WDFY2: variants seen among roughly 807,000 people sequenced by gnomAD.
WDFY2 encodes the protein WD repeat and FYVE domain containing 2.
A neutral mutation model predicts 56.4 loss-of-function variants in WDFY2; 36 were observed. That is an observed-to-expected ratio of 0.64 (90% CI 0.49 to 0.84). The LOEUF (loss-of-function observed/expected upper bound fraction) is 0.84. Among genes scored for constraint, WDFY2 ranks in the 40% least tolerant of loss-of-function variants. The pLI, the probability that WDFY2 is intolerant of heterozygous loss-of-function variation, is 0.00. For missense variants in WDFY2, 444 were observed against 512.2 expected, an observed-to-expected ratio of 0.87 and a Z score of 1.29; for synonymous variants, 176 against 183.7, an observed-to-expected ratio of 0.96 and a Z score of 0.34.
chr13:51,615,153 A>G (rs1414832028), intron 1 of WDFY2, among the ~76,000 whole-genome samples: 1 of 152,236 alleles, frequency 6.6e-6, no homozygotes, highest in Non-Finnish European at 1.5e-5. Flanking sequence ...GCCAGCATTC[A>G]TAAATGAAGA....
Position 51,739,108 on chromosome 13 carries a change from G to C in WDFY2, c.658G>C (p.Asp220His). The change falls in exon 7 of 12, where the codon GAT becomes CAT. Residue 220 changes from aspartate to histidine, a missense_variant. Coordinates refer to ENST00000298125, the MANE Select transcript of WDFY2 (RefSeq NM_052950.4). ...VQRVLFSGSS[D>H]HSVIMWDIGG... Reference sequence around the variant, plus strand: ...GCGGGTGTTGTTCTCAGGCAGTTCAGATCACTCTGTCATCATGTGGGACAT... The same window carrying C: ...GCGGGTGTTGTTCTCAGGCAGTTCACATCACTCTGTCATCATGTGGGACAT... 1 of 1,603,516 alleles carries C rather than the reference G, an allele frequency of 6.2e-7. No individual in the cohort carries two copies. The highest frequency in any genetic ancestry group is 8.5e-7 in the Non-Finnish European group (1 of 1,175,310).
chr13:51,757,152 AATC>A (rs1953411761), intron 10 of WDFY2, among the ~76,000 whole-genome samples: 1 of 152,192 alleles, frequency 6.6e-6, no homozygotes, highest in South Asian at 2.1e-4. Flanking sequence ...ATTACAGTAA[AATC>A]ATAAGTAGTC....
intron 1 of WDFY2, among the ~76,000 whole-genome samples, chr13:51,596,790 T>C (rs1445565530): frequency 6.6e-6 from 1 of 152,216 alleles, no homozygotes; most frequent in Admixed American, 6.5e-5. Flanking sequence ...GTCTTATCTC[T>C]GGTGCTGCTT....
intron 1 of WDFY2, among the ~76,000 whole-genome samples, chr13:51,625,029 T>C (rs1349351057): frequency 2.6e-5 from 4 of 152,178 alleles, no homozygotes; most frequent in African/African-American, 9.7e-5. Context: ...CAGATCAAGA[T>C]TGGGATTTCA....
rs548906400 is a variant in WDFY2 at position 51,653,193 on chromosome 13, G to A, written c.138-7403G>A. Among the ~76,000 whole-genome samples the A allele has an allele frequency of 1.1e-4, 17 of 152,144 alleles. No individual in the cohort carries two copies. The East Asian group carries it at 2.1e-3, about 19-fold the overall frequency. ...CTGATACTCTTTCTTCCAGTTGATC[G>A]AATCGGCTACTGAGGCTTGTGCATT... On this transcript the variant is annotated intron_variant, in intron 1 of 11. Coordinates refer to ENST00000298125, the MANE Select transcript of WDFY2 (RefSeq NM_052950.4).
intron 1 of WDFY2, among the ~76,000 whole-genome samples, chr13:51,596,320 G>T (rs2138299029): frequency 6.6e-6 from 1 of 152,220 alleles, no homozygotes; most frequent in East Asian, 1.9e-4. Flanking sequence ...CTGTTTGAAT[G>T]GATTAAATTG....
chr13:51,745,616 G>A (rs1348387093), intron 7 of WDFY2, among the ~76,000 whole-genome samples: 1 of 151,932 alleles, frequency 6.6e-6, no homozygotes, highest in African/African-American at 2.4e-5. Context: ...AACACCTGAA[G>A]TTCCGCTGAA....
chr13:51,652,954 C>T (rs1488719689), intron 1 of WDFY2, among the ~76,000 whole-genome samples: 8 of 152,134 alleles, frequency 5.3e-5, no homozygotes, highest in Non-Finnish European at 1.0e-4. Context: ...GTTGGCCTGC[C>T]TTGCTAGATT....
chr13:51,653,097 T>C (rs1012983207), intron 1 of WDFY2, among the ~76,000 whole-genome samples: 8 of 152,154 alleles, frequency 5.3e-5, no homozygotes, highest in African/African-American at 1.9e-4. Context: ...GGAGGCTTTG[T>C]TTGTTTCTTT....
intron 4 of WDFY2, among the ~76,000 whole-genome samples, chr13:51,706,542 A>G (rs1323553461): frequency 2.0e-5 from 3 of 152,230 alleles, no homozygotes; most frequent in African/African-American, 4.8e-5. Context: ...ACTACAAGGA[A>G]ATTTATTCCT....
intron 5 of WDFY2, among the ~76,000 whole-genome samples, chr13:51,724,759 T>G (rs867529660): frequency 3.9e-5 from 6 of 152,322 alleles, no homozygotes; most frequent in South Asian, 4.1e-4. Context: ...ACTCTTGGTG[T>G]TGTACATTCT....
intron 1 of WDFY2, among the ~76,000 whole-genome samples, chr13:51,630,978 C>G (rs1954941147): frequency 6.6e-6 from 1 of 151,404 alleles, no homozygotes; most frequent in Non-Finnish European, 1.5e-5. Flanking sequence ...CGGGGTTTCA[C>G]CATGTTGGCC....
At chr13:51,738,771 T>A (rs1809197724) in intron 6 of WDFY2, among the ~76,000 whole-genome samples, 1 of 152,208 alleles carries the variant, frequency 6.6e-6, no homozygotes. Context: ...GAATTATGTC[T>A]CCCTTTTGAA....
At chr13:51,720,274 A>G (rs1952458119) in intron 5 of WDFY2, among the ~76,000 whole-genome samples, 1 of 152,176 alleles carries the variant, frequency 6.6e-6, no homozygotes, top group South Asian at 2.1e-4. Context: ...GTATATTTTT[A>G]TGTATATATA....
At chr13:51,749,685 A>C (rs1035382464) in intron 7 of WDFY2, among the ~76,000 whole-genome samples, 3 of 152,162 alleles carry the variant, frequency 2.0e-5, no homozygotes, top group Non-Finnish European at 4.4e-5. Context: ...ATAGAAAAAT[A>C]AGAAGCAAAC....
At chr13:51,675,285 T>C (rs761856842) in intron 3 of WDFY2, 42 bp downstream of exon 3, 3 of 1,532,746 alleles carry the variant, frequency 2.0e-6, no homozygotes, top group Non-Finnish European at 2.7e-6. Context: ...AATACTTCCC[T>C]TCCTGTGGAG....
chr13:51,608,524 A>G (rs1954426317), intron 1 of WDFY2, among the ~76,000 whole-genome samples: 1 of 152,112 alleles, frequency 6.6e-6, no homozygotes, highest in South Asian at 2.1e-4. Context: ...TCTACTAAAA[A>G]TACAAAAATT....
intron 3 of WDFY2, among the ~76,000 whole-genome samples, chr13:51,688,377 T>G (rs1244012527): frequency 6.6e-6 from 1 of 152,158 alleles, no homozygotes; most frequent in African/African-American, 2.4e-5. Context: ...CTCATAGAGA[T>G]TCAATGAAAT....
intron 6 of WDFY2, among the ~76,000 whole-genome samples, chr13:51,736,849 T>G (rs776726347): frequency 1.3e-5 from 2 of 152,312 alleles, no homozygotes; most frequent in Non-Finnish European, 2.9e-5. Flanking sequence ...TCTAAAGGTA[T>G]CTGTCACCTG....
Sources: allele counts gnomAD v4.1 joint callset (sites outside exome capture counted in the v4.1 genomes callset), GRCh38; gene constraint gnomAD v4.1.1; transcripts MANE v1.5; gene names NCBI Gene and HGNC (gene_info 2026-07-23, HGNC 2026-07-21).